The following WFDC3 variants were observed in gnomAD, a reference collection of about 807,000 sequenced individuals.
WFDC3 encodes the protein WAP four-disulfide core domain protein 3.
WFDC3 carries 15 observed loss-of-function variants against 25.8 expected under a neutral mutation model. The observed-to-expected ratio is 0.58, with a 90% CI of 0.39 to 0.89. The LOEUF (loss-of-function observed/expected upper bound fraction) is 0.89. WFDC3 is among the 40% of genes least tolerant of loss of function. WFDC3 has a pLI of 0.00. For missense variants in WFDC3, 264 were observed against 289.8 expected, an observed-to-expected ratio of 0.91 and a Z score of 0.65; for synonymous variants, 103 against 107.1, an observed-to-expected ratio of 0.96 and a Z score of 0.24.
At chr20:45,774,562 C>T (rs1358269228) in intron 6 of WFDC3, 118 bp from the exon 7 acceptor site, 7 of 1,338,974 alleles carry the variant, frequency 5.2e-6, no homozygotes, top group Non-Finnish European at 7.4e-6. Flanking sequence ...TCTTAAATAG[C>T]TCCTTGCTTC....
chr20:45,781,236 G>A (rs571348114), intron 4 of WFDC3, among the ~76,000 whole-genome samples: 249 of 151,162 alleles, frequency 1.6e-3, no homozygotes, highest in African/African-American at 5.5e-3. Flanking sequence ...GTGACAGAGC[G>A]AGACTCCATC....
At chr20:45,782,426 G>A (rs1980488421) in intron 4 of WFDC3, among the ~76,000 whole-genome samples, 1 of 151,128 alleles carries the variant, frequency 6.6e-6, no homozygotes, top group African/African-American at 2.4e-5. Context: ...TGCCCAGGCT[G>A]GAGTGCAGTG....
chr20:45,790,903 T>C (rs1980937470), intron 1 of WFDC3: 1 of 471,046 alleles, frequency 2.1e-6, no homozygotes, highest in Non-Finnish European at 4.4e-6. Flanking sequence ...TTGCTATGTA[T>C]GACTCAAATA....
At chr20:45,791,021 C>T (rs1980946537) in intron 1 of WFDC3, 1 of 460,354 alleles carries the variant, frequency 2.2e-6, no homozygotes, top group Non-Finnish European at 4.4e-6. Flanking sequence ...TGTCCACTGG[C>T]ACTGCTTAGT....
chr20:45,780,250 T>C (rs1980383836), intron 4 of WFDC3, among the ~76,000 whole-genome samples: 1 of 151,824 alleles, frequency 6.6e-6, no homozygotes, highest in South Asian at 2.1e-4. Flanking sequence ...TAATTATTTT[T>C]ATTTTTTATA....
intron 4 of WFDC3, among the ~76,000 whole-genome samples, chr20:45,780,173 C>G (rs1483999420): frequency 6.7e-6 from 1 of 149,762 alleles, no homozygotes. Context: ...AACTCCTGGG[C>G]TCAAGCAATC....
chr20:45,779,647 C>T (rs947286036), intron 4 of WFDC3, among the ~76,000 whole-genome samples: 3 of 152,108 alleles, frequency 2.0e-5, no homozygotes, highest in African/African-American at 7.2e-5. Context: ...GCTGAGAAGG[C>T]TGGGAGTAAA....
chr20:45,784,105 C>A (rs1225480051), intron 4 of WFDC3, among the ~76,000 whole-genome samples: 2 of 152,202 alleles, frequency 1.3e-5, no homozygotes, highest in African/African-American at 4.8e-5. Flanking sequence ...TTAGCCCCTA[C>A]AATTCAGCCC....
rs920118992 is a variant in WFDC3 at position 45,775,509 on chromosome 20, T to C, written c.587A>G (p.Lys196Arg). Reference protein sequence around the residue: ...ENCQAGEKCCKSGCGRFCVPP... With the variant: ...ENCQAGEKCCRSGCGRFCVPP... Reference sequence around the variant, plus strand: ...GACACAGAAGCGGCCACAGCCTGACTTGCAACATTTTTCTCCAGCTTGACA... The same window carrying C: ...GACACAGAAGCGGCCACAGCCTGACCTGCAACATTTTTCTCCAGCTTGACA... Residue 196 changes from lysine (K) to arginine (R), a missense_variant, in exon 6 of 7, where the codon AAG becomes AGG. Physicochemically the swap from Lys to Arg is conservative, Grantham distance 26 (BLOSUM62 2). Coordinates refer to ENST00000243938, the MANE Select transcript of WFDC3 (RefSeq NM_080614.2). 2 of 1,614,076 alleles carry C rather than the reference T, an allele frequency of 1.2e-6. No homozygotes were observed. The highest frequency in any genetic ancestry group is 1.7e-6 in the Non-Finnish European group (2 of 1,180,050).
In WFDC3 at chr20:45,789,981, T is replaced by G; in HGVS notation, c.-6A>C. 6.2e-7 allele frequency: 1 copy of G among 1,613,906 alleles called. No individual in the cohort carries two copies. Among genetic ancestry groups the G allele is most frequent in the Non-Finnish European group, 8.5e-7 (1 of 1,179,788 alleles). On this transcript the variant is annotated splice_region_variant and 5_prime_UTR_variant, in exon 2 of 7. Coordinates refer to ENST00000243938, the MANE Select transcript of WFDC3 (RefSeq NM_080614.2). ...AAGAGGCAGCTTAACATCATGATGA[T>G]GCTGAGAGTTGGGACAAGAGCTCAG...
At position 45,777,259 on chromosome 20, in the gene WFDC3, A is replaced by G. The variant is rs567811048; in HGVS notation, c.359-50T>C. On this transcript the variant is annotated intron_variant, in intron 4 of 6. Transcript: ENST00000243938. ...CAGAGACGCTCACAATATGAAACAC[A>G]TTTTTCATTGTGTCCCATGTGTATG... The G allele has an allele frequency of 7.1e-6, 10 of 1,414,452 alleles. No homozygotes were observed. In the South Asian group the frequency reaches 1.6e-4, roughly 22 times the overall value. 87.6% of individuals were successfully genotyped at this position (1,414,452 alleles called of 1,614,324 possible).
chr20:45,787,916 T>C lies in WFDC3; in HGVS notation c.278A>G (p.Glu93Gly). The C allele has an allele frequency of 2.5e-6, 4 of 1,614,106 alleles. No individual in the cohort carries two copies. Among genetic ancestry groups the C allele is most frequent in the South Asian group, 2.2e-5 (2 of 91,064 alleles). The change falls in exon 4 of 7, where the codon GAG becomes GGG. Residue 93 changes from glutamate to glycine, a missense_variant. Physicochemically the swap from Glu to Gly is moderately conservative, Grantham distance 98. Transcript: ENST00000243938. ...GCATTTCTTTACACCTGGACATGTCTCATCAGTGATGCACCTTTTCAAACA... is the reference window on the plus strand; with the variant it reads ...GCATTTCTTTACACCTGGACATGTCCCATCAGTGATGCACCTTTTCAAACA... Reference protein sequence around the residue: ...QSCLKRCITDETCPGVKKCCT... With the variant: ...QSCLKRCITDGTCPGVKKCCT...
intron 4 of WFDC3, among the ~76,000 whole-genome samples, chr20:45,778,383 T>C (rs1221603062): frequency 6.6e-6 from 1 of 152,230 alleles, no homozygotes; most frequent in Non-Finnish European, 1.5e-5. Context: ...GTAACTATAT[T>C]GCTTTAAGTC....
At chr20:45,786,722 T>C (rs772504507) in intron 4 of WFDC3, among the ~76,000 whole-genome samples, 10 of 152,070 alleles carry the variant, frequency 6.6e-5, no homozygotes, top group Non-Finnish European at 1.5e-4. Flanking sequence ...CAAATACCTC[T>C]CTACCAGGAC....
intron 5 of WFDC3, among the ~76,000 whole-genome samples, chr20:45,776,278 CTGTGTG>C (rs3080047): frequency 8.8e-4 from 90 of 102,034 alleles, no homozygotes; most frequent in Admixed American, 1.9e-3. Flanking sequence ...GCTTTTATCT[CTGTGTG>C]TGTGTGTGTG....
rs6094209 is a variant in WFDC3, at chr20:45,786,647, G to A, written c.358+1189C>T. ...ACACATTCAATAAATACTTGTTGAA[G>A]AAATGAATGCATAAATGGATAATTA... On this transcript the variant is annotated intron_variant, in intron 4 of 6. Coordinates refer to ENST00000243938, the MANE Select transcript of WFDC3 (RefSeq NM_080614.2). Among the ~76,000 whole-genome samples the A allele has an allele frequency of 3.1e-3, 470 of 152,264 alleles. 4 individuals carry two copies. Among genetic ancestry groups the A allele is most frequent in the African/African-American group, 0.011 (455 of 41,546 alleles).
intron 2 of WFDC3, 127 bp downstream of exon 2, chr20:45,789,767 C>T (rs1166342724): frequency 5.2e-6 from 4 of 767,588 alleles, no homozygotes; most frequent in South Asian, 3.3e-5. Context: ...TCATCCAGTC[C>T]TGTCCTATAG....
At chr20:45,788,439 T>C (rs1980788473) in intron 3 of WFDC3, 1 of 157,112 alleles carries the variant, frequency 6.4e-6, no homozygotes, top group African/African-American at 2.4e-5. Flanking sequence ...AAAGAGACAA[T>C]AATAACAACA....
intron 6 of WFDC3, among the ~76,000 whole-genome samples, chr20:45,775,200 T>C (rs1259163866): frequency 6.6e-6 from 1 of 152,132 alleles, no homozygotes; most frequent in Non-Finnish European, 1.5e-5. Flanking sequence ...AAGCCTGTAC[T>C]GTTTATATGA....
Sources: allele counts gnomAD v4.1 joint callset (sites outside exome capture counted in the v4.1 genomes callset), GRCh38; gene constraint gnomAD v4.1.1; transcripts MANE v1.5; gene names NCBI Gene and HGNC (gene_info 2026-07-23, HGNC 2026-07-21).